The following TTN variants were observed in gnomAD, a reference collection of about 807,000 sequenced individuals.
TTN encodes the protein titin.
In TTN, 1,525 loss-of-function variants were observed where a neutral mutation model predicts 3,223.0. The observed-to-expected ratio is 0.47, with a 90% CI of 0.45 to 0.49. TTN has a LOEUF of 0.49. Among genes scored for constraint, TTN ranks in the 20% least tolerant of loss-of-function variants. TTN has a pLI of 0.00. For synonymous variants in TTN, 14,094 were observed against 15,161.0 expected (o/e 0.93, Z 5.17); for missense variants, 40,786 against 43,424.0 (o/e 0.94, Z 5.40).
chr2:178,684,210 TAACAAC>T (rs954696433), intron 132 of TTN, 114 bp downstream of exon 132: 2 of 1,355,374 alleles, frequency 1.5e-6, no homozygotes, highest in Non-Finnish European at 2.0e-6. Context: ...ACAACAACTG[TAACAAC>T]AACAACAACA....
intron 41 of TTN, 58 bp downstream of exon 41, chr2:178,766,323 A>C (rs1205043050): frequency 7.4e-7 from 1 of 1,352,284 alleles, no homozygotes; most frequent in Non-Finnish European, 1.1e-6. Flanking sequence ...TAGTGACTTA[A>C]ACAGGAGGAT....
chr2:178,636,840 TA>T lies in TTN; in HGVS notation c.40928-42del. On this transcript the variant is annotated intron_variant, in intron 224 of 362. Coordinates refer to ENST00000589042, the MANE Select transcript of TTN (RefSeq NM_001267550.2). The surrounding 1 kb of genome is among the most constrained non-coding windows in gnomAD (Gnocchi z 4.3). The stretch of plus-strand genomic sequence containing the variant: ...ATAAAAAGTTGATTTGGCATCTCCT[TA>T]GGAGTCAGAAAGTTCATACTTGGCT... 5.3e-6 allele frequency: 8 copies of T among 1,516,284 alleles called. No homozygotes were observed. The highest frequency in any genetic ancestry group is 7.0e-6 in the Non-Finnish European group (8 of 1,135,166). The allele number at this position is 1,516,284 out of a possible 1,614,324, so 93.9% of individuals were successfully genotyped here. A position where few individuals can be genotyped will look rare whatever the true frequency, so the allele number is the denominator to read the frequency against.
Position 178,532,352 on chromosome 2 carries a change from A to G in TTN, c.104263T>C (p.Tyr34755His). 6.2e-7 allele frequency: 1 copy of G among 1,613,958 alleles called. No homozygotes were observed. ...ELRERHAQAA[Y>H]RQPKQRQRIM... is the part of the protein sequence containing the mutation. ...CTTTGCCGTTGCTTTGGCTGTCTGT[A>G]CGCAGCCTGGGCATGCCGTTCCCTC... The change falls in exon 358 of 363, where the codon TAC (tyrosine) becomes CAC (histidine). Residue 34755 changes from tyrosine to histidine, a missense_variant. Physicochemically the swap from Tyr to His is moderately conservative, Grantham distance 83. Coordinates refer to ENST00000589042, the MANE Select transcript of TTN (RefSeq NM_001267550.2).
intron 96 of TTN, 95 bp from the exon 97 acceptor site, chr2:178,711,444 T>C: frequency 2.4e-6 from 3 of 1,270,594 alleles, no homozygotes; most frequent in Non-Finnish European, 3.2e-6. Flanking sequence ...ATGCAATTTC[T>C]ATTAAAAATC....
Position 178,773,257 on chromosome 2 carries a change from G to C in TTN, c.7707C>G (p.Asp2569Glu), listed in dbSNP as rs2091797689. The C allele has an allele frequency of 6.2e-7, 1 of 1,613,620 alleles. No homozygotes were observed. Among genetic ancestry groups the C allele is most frequent in the Non-Finnish European group, 8.5e-7 (1 of 1,179,920 alleles). ...SGIDVLWNFK[D>E]KEIKPSSKYK... ...ATTTAGAACTGGGCTTGATTTCCTT[G>C]TCCTTAAAATTCCACAGGACATCAA... is the stretch of plus-strand genomic sequence containing the variant. Residue 2569 changes from aspartate to glutamate, a missense_variant, in exon 33 of 363, where the codon GAC (aspartate) becomes GAG (glutamate). By Grantham distance (45) the Asp-to-Glu change is conservative. Coordinates refer to ENST00000589042, the MANE Select transcript of TTN (RefSeq NM_001267550.2).
At chr2:178,595,837 C>T (rs538713787) in intron 294 of TTN, 28 bp from the exon 295 acceptor site, 1 of 1,553,824 alleles carries the variant, frequency 6.4e-7, no homozygotes, top group Non-Finnish European at 8.7e-7. Flanking sequence ...ATAATTCAAG[C>T]TGTTTGCCTT....
Position 178,704,886 on chromosome 2 carries a change from TGA to T in TTN, c.29683_29684del (p.Ser9895ThrfsTer12). The part of the protein sequence containing the change: ...ELVSFIQQRL[S>X]QTEPVTLIKD... ...ACATAATTCTTTTTACCTCTGTCTG[TGA>T]CAGTCTTTGCTGAATAAATGATACA... On this transcript the variant is annotated frameshift_variant, in exon 104 of 363. Transcript: ENST00000589042. LOFTEE classifies it high-confidence loss of function. 6.2e-7 allele frequency: 1 copy of T among 1,613,548 alleles called. No homozygotes were observed. Among genetic ancestry groups the T allele is most frequent in the Non-Finnish European group, 8.5e-7 (1 of 1,179,784 alleles).
chr2:178,720,355 G>T lies in TTN; in HGVS notation c.23377+30C>A, dbSNP rs773485879. On this transcript the variant is annotated intron_variant, in intron 80 of 362. Transcript: ENST00000589042. The stretch of plus-strand genomic sequence containing the variant: ...AGGCAAGAACAGATAGGAGGAAGGG[G>T]CATATATTTTTGTGTCCATGTATAC... 6.3e-6 allele frequency: 10 copies of T among 1,595,562 alleles called. No homozygotes were observed. In the South Asian group the frequency reaches 1.1e-4, roughly 18 times the overall value.
Position 178,571,595 on chromosome 2 carries a change from A to G in TTN, c.74537T>C (p.Val24846Ala), listed in dbSNP as rs545418788. 1.9e-6 allele frequency: 3 copies of G among 1,613,264 alleles called. No homozygotes were observed. The highest frequency in any genetic ancestry group is 1.7e-6 in the Non-Finnish European group (2 of 1,179,582). ...GGTTGTGGAAGTGTCCCGTTTCTCA[A>G]CAATGTAATTATTGATAGAACTTCC... ...DGGSSINNYI[V>A]EKRDTSTTTW... Residue 24846 changes from valine (V) to alanine (A), a missense_variant, in exon 326 of 363, where the codon GTT becomes GCT. Physicochemically the swap from Val to Ala is moderately conservative, Grantham distance 64. Transcript: ENST00000589042.
At chr2:178,623,032 C>A (rs1214665617) in intron 242 of TTN, among the ~76,000 whole-genome samples, 1 of 151,796 alleles carries the variant, frequency 6.6e-6, no homozygotes, top group African/African-American at 2.4e-5. Context: ...TACTAGGGAG[C>A]CATCTCAGTT....
chr2:178,762,856 G>A (rs2089567885), intron 43 of TTN, among the ~76,000 whole-genome samples: 1 of 152,076 alleles, frequency 6.6e-6, no homozygotes, highest in Non-Finnish European at 1.5e-5. Context: ...CAGTTACCTG[G>A]CAGCCATGCC....
At chr2:178,773,079 G>A (rs368320232) in intron 33 of TTN, 30 bp downstream of exon 33, 41 of 1,612,878 alleles carry the variant, frequency 2.5e-5, no homozygotes, top group Non-Finnish European at 3.1e-5. Flanking sequence ...ATCACTCCTC[G>A]TAAGAATTTA....
At chr2:178,545,091 G>C (rs921864043) in intron 344 of TTN, among the ~76,000 whole-genome samples, 1 of 152,100 alleles carries the variant, frequency 6.6e-6, no homozygotes, top group Non-Finnish European at 1.5e-5. Context: ...AGTTATTACA[G>C]TACAATGCAT....
At chr2:178,798,340 T>G (rs1231580784) in intron 6 of TTN, among the ~76,000 whole-genome samples, 1 of 152,142 alleles carries the variant, frequency 6.6e-6, no homozygotes, top group Non-Finnish European at 1.5e-5. Context: ...CATGATAAAC[T>G]AAATCCCAAA....
In TTN at chr2:178,733,043, C is replaced by T. The variant is rs754271006; in HGVS notation, c.16133G>A (p.Cys5378Tyr). 1.2e-6 allele frequency: 2 copies of T among 1,613,390 alleles called. No homozygotes were observed. Among genetic ancestry groups the T allele is most frequent in the Admixed American group, 1.7e-5 (1 of 59,956 alleles). The part of the protein sequence containing the change: ...SVVNGTCRLD[C>Y]KIAGSLPMRV... Reference sequence around the variant, plus strand: ...CATGGGGAGGGAGCCTGCAATTTTGCAGTCCAGTCTGCAGGTACCATTAAC... The same window carrying T: ...CATGGGGAGGGAGCCTGCAATTTTGTAGTCCAGTCTGCAGGTACCATTAAC... The change falls in exon 55 of 363, where the codon TGC becomes TAC. Residue 5378 changes from cysteine to tyrosine, a missense_variant. Coordinates refer to ENST00000589042, the MANE Select transcript of TTN (RefSeq NM_001267550.2).
chr2:178,791,817 T>C (rs1214133000), intron 10 of TTN, among the ~76,000 whole-genome samples: 3 of 152,144 alleles, frequency 2.0e-5, no homozygotes, highest in Non-Finnish European at 4.4e-5. Flanking sequence ...CATTTATGTA[T>C]GTTCTAGAAA....
In TTN at chr2:178,634,514, A is replaced by C. The variant is rs756530936; in HGVS notation, c.42267T>G (p.Pro14089=). 6.2e-7 allele frequency: 1 copy of C among 1,613,318 alleles called. No individual in the cohort carries two copies. Among genetic ancestry groups the C allele is most frequent in the Admixed American group, 1.7e-5 (1 of 59,992 alleles). ...REANVIWSKG[P]DIIKSSDKFD... ...ATTTGTCAGATGACTTAATTATATC[A>C]GGTCCTTTGGACCATATAACATTTG... Residue 14089 remains proline, a synonymous_variant, in exon 230 of 363, where the codon CCT becomes CCG. Coordinates refer to ENST00000589042, the MANE Select transcript of TTN (RefSeq NM_001267550.2). The surrounding 1 kb of genome is among the most constrained non-coding windows in gnomAD (Gnocchi z 4.6).
chr2:178,607,950 T>A lies in TTN; in HGVS notation c.52837A>T (p.Thr17613Ser). 3.1e-6 allele frequency: 5 copies of A among 1,613,014 alleles called. No homozygotes were observed. The highest frequency in any genetic ancestry group is 4.2e-6 in the Non-Finnish European group (5 of 1,179,300). The part of the protein sequence containing the change: ...GYFVDKQLVG[T>S]NEWSRCTEKM... ...TCTGTGCAGCGTGACCATTCATTTGTGCCAACCAACTGCTTATCAACAAAA... is the reference window on the plus strand; with the variant it reads ...TCTGTGCAGCGTGACCATTCATTTGAGCCAACCAACTGCTTATCAACAAAA... The change falls in exon 276 of 363, where the codon ACA becomes TCA. Residue 17613 changes from threonine (T) to serine (S), a missense_variant. Transcript: ENST00000589042.
intron 47 of TTN, chr2:178,749,377 T>C (rs1170694120): frequency 6.2e-7 from 1 of 1,613,130 alleles, no homozygotes; most frequent in South Asian, 1.1e-5. Flanking sequence ...TTATGGTTCT[T>C]GAAGCACCAT....
Sources: gnomAD v4.1 joint callset for allele counts (sites outside exome capture counted in the v4.1 genomes callset) on GRCh38, gnomAD v4.1.1 for gene constraint, Gnocchi (gnomAD v3.1) non-coding constraint, MANE v1.5 for transcripts, NCBI Gene and HGNC (gene_info 2026-07-23, HGNC 2026-07-21) for gene names.